The following CDON variants were observed in gnomAD, a reference collection of about 807,000 sequenced individuals.
CDON encodes cell adhesion associated, oncogene regulated.
In CDON, 73 loss-of-function variants were observed where a neutral mutation model predicts 120.9. The ratio of observed to expected loss-of-function variants is 0.60; its 90% CI spans 0.50 to 0.73. The LOEUF (loss-of-function observed/expected upper bound fraction) is 0.73. CDON is among the 30% of genes least tolerant of loss of function. The pLI is 0.00. For missense variants in CDON, 1,470 were observed against 1,587.3 expected (o/e 0.93, Z 1.26); for synonymous variants, 566 against 573.5 (o/e 0.99, Z 0.19).
Position 125,963,309 on chromosome 11 carries a change from C to A in CDON, c.3357-1311G>T, listed in dbSNP as rs532018246. Among the ~76,000 whole-genome samples, 133 of 152,088 alleles carry A rather than the reference C, an allele frequency of 8.7e-4. 1 individual carries two copies. Among genetic ancestry groups the A allele is most frequent in the Admixed American group, 2.5e-3 (38 of 15,276 alleles). On this transcript the variant is annotated intron_variant, in intron 18 of 19. Transcript: ENST00000531738. ...TTGGAGCCTTAGTGACACTTTTTTT[C>A]CCCCCTATAATTGGGAGTAAGAAAA...
At chr11:126,026,031 C>T in intron 1 of CDON, among the ~76,000 whole-genome samples, 1 of 152,132 alleles carries the variant, frequency 6.6e-6, no homozygotes, top group East Asian at 1.9e-4. Context: ...TTGAAGGCAA[C>T]AATGACATCA....
chr11:126,041,424 C>T (rs939373697), intron 1 of CDON, among the ~76,000 whole-genome samples: 2 of 152,240 alleles, frequency 1.3e-5, no homozygotes, highest in East Asian at 3.9e-4. Context: ...GTAGCCAAAA[C>T]AAACACAACA....
chr11:126,032,590 A>G (rs894995385), intron 1 of CDON, among the ~76,000 whole-genome samples: 2 of 152,218 alleles, frequency 1.3e-5, no homozygotes, highest in African/African-American at 4.8e-5. Flanking sequence ...GCAATGTGGA[A>G]AACAGTTGAG....
At chr11:126,014,063 A>G (rs1019855023) in intron 7 of CDON, among the ~76,000 whole-genome samples, 2 of 152,100 alleles carry the variant, frequency 1.3e-5, no homozygotes, top group African/African-American at 4.8e-5. Flanking sequence ...AATACATGCC[A>G]ATTTTTAAAA....
intron 18 of CDON, among the ~76,000 whole-genome samples, chr11:125,963,633 T>C (rs1228290366): frequency 6.6e-6 from 1 of 152,228 alleles, no homozygotes; most frequent in Non-Finnish European, 1.5e-5. Context: ...ACCAAATCTT[T>C]AATTTAAATA....
At chr11:126,008,469 T>C (rs1947191950) in intron 8 of CDON, among the ~76,000 whole-genome samples, 1 of 152,218 alleles carries the variant, frequency 6.6e-6, no homozygotes, top group African/African-American at 2.4e-5. Context: ...ATAAAAGTAG[T>C]ATTTATCGAG....
At chr11:125,971,093 A>G (rs998928256) in intron 18 of CDON, among the ~76,000 whole-genome samples, 5 of 152,110 alleles carry the variant, frequency 3.3e-5, no homozygotes, top group East Asian at 1.9e-4. Context: ...AAGAACTGCT[A>G]TGATAATTAA....
Position 125,997,425 on chromosome 11 carries a change from G to A in CDON, c.2159-15C>T, listed in dbSNP as rs532908999. The stretch of plus-strand genomic sequence containing the variant: ...TGCCTCTGGAACTAAACACGGAAAC[G>A]TTCATTTCAATAACCCACCATGTCA... On this transcript the variant is annotated splice_polypyrimidine_tract_variant and intron_variant, in intron 11 of 19. Coordinates refer to ENST00000531738, the MANE Select transcript of CDON (RefSeq NM_001378964.1). The A allele has an allele frequency of 9.5e-6, 15 of 1,578,424 alleles. No homozygotes were observed. The highest frequency in any genetic ancestry group is 3.4e-5 in the South Asian group (3 of 89,006).
Position 126,056,115 on chromosome 11 carries a change from A to G in CDON, c.-62+6464T>C, listed in dbSNP as rs149529892. Among the ~76,000 whole-genome samples, 511 of 152,300 alleles carry G rather than the reference A, an allele frequency of 3.4e-3. 7 individuals carry two copies. The highest frequency in any genetic ancestry group is 0.011 in the African/African-American group (451 of 41,574). ...TATTTGGTTCAATGTTGCACCCAAG[A>G]AAGAGATTCTTCCCACAGCAGCCTT... On this transcript the variant is annotated intron_variant, in intron 1 of 19. Transcript: ENST00000531738.
Position 125,997,393 on chromosome 11 carries a change from G to T in CDON, c.2176C>A (p.Arg726=), listed in dbSNP as rs760702944. The T allele has an allele frequency of 3.1e-6, 5 of 1,612,546 alleles. No individual in the cohort carries two copies. Among genetic ancestry groups the T allele is most frequent in the African/African-American group, 2.7e-5 (2 of 74,870 alleles). Residue 726 remains arginine (R), a synonymous_variant, in exon 12 of 20, where the codon CGG becomes AGG. Transcript: ENST00000531738. The stretch of plus-strand genomic sequence containing the variant: ...TCTGATGCAGTGGAGATGGTAGGCC[G>T]ATCTGGTGCCTCTGGAACTAAACAC... ...RHSGVPEAPD[R]PTISTASETS...
chr11:125,975,813 T>C (rs1044841283), intron 18 of CDON, among the ~76,000 whole-genome samples: 1 of 152,220 alleles, frequency 6.6e-6, no homozygotes, highest in Non-Finnish European at 1.5e-5. Flanking sequence ...CATTATCCTT[T>C]CTACGTCCAT....
intron 7 of CDON, among the ~76,000 whole-genome samples, chr11:126,012,026 T>C (rs1431969988): frequency 6.6e-6 from 1 of 152,216 alleles, no homozygotes. Context: ...CTCTATCTTG[T>C]TCCAAGAGTC....
At chr11:126,043,379 C>T (rs1948317720) in intron 1 of CDON, among the ~76,000 whole-genome samples, 2 of 152,114 alleles carry the variant, frequency 1.3e-5, no homozygotes, top group Non-Finnish European at 2.9e-5. Flanking sequence ...GCTTGGCCCA[C>T]TCCCACACTG....
chr11:126,018,680 C>T (rs568815114), intron 4 of CDON, among the ~76,000 whole-genome samples: 72 of 152,174 alleles, frequency 4.7e-4, no homozygotes, highest in African/African-American at 1.7e-3. Context: ...GCGGTCCTCC[C>T]ACCTAAGCCT....
chr11:125,961,167 T>A, intron 19 of CDON, 62 bp from the exon 20 acceptor site: 1 of 1,436,380 alleles, frequency 7.0e-7, no homozygotes. Flanking sequence ...TACAAAGCAG[T>A]CTAAAAACTT....
chr11:126,038,196 A>T (rs1300536429), intron 1 of CDON, among the ~76,000 whole-genome samples: 1 of 152,202 alleles, frequency 6.6e-6, no homozygotes, highest in Non-Finnish European at 1.5e-5. Context: ...ACATTCAGGT[A>T]AAGAATTTGC....
intron 10 of CDON, among the ~76,000 whole-genome samples, chr11:126,002,690 T>C (rs1353749877): frequency 2.0e-5 from 3 of 152,150 alleles, no homozygotes; most frequent in Admixed American, 6.5e-5. Context: ...CATATTCTGG[T>C]CTCTTTGCCT....
intron 1 of CDON, among the ~76,000 whole-genome samples, chr11:126,026,241 A>G (rs1947789343): frequency 1.3e-5 from 2 of 152,224 alleles, no homozygotes; most frequent in South Asian, 2.1e-4. Context: ...ATTCATATGT[A>G]TAATTTTAAA....
intron 1 of CDON, among the ~76,000 whole-genome samples, chr11:126,031,936 GATTT>G (rs1399680605): frequency 6.6e-6 from 1 of 152,052 alleles, no homozygotes; most frequent in Admixed American, 6.6e-5. Context: ...GAACAAACTG[GATTT>G]ATTTACTTTT....
Sources: allele counts gnomAD v4.1 joint callset (sites outside exome capture counted in the v4.1 genomes callset), GRCh38; gene constraint gnomAD v4.1.1; transcripts MANE v1.5; gene names NCBI Gene and HGNC (gene_info 2026-07-23, HGNC 2026-07-21).